NFRKB: variants seen among roughly 807,000 people sequenced by gnomAD.
The protein encoded by NFRKB is nuclear factor related to kappaB binding protein, also known as nuclear factor related to kappa-B-binding protein.
NFRKB carries 62 observed loss-of-function variants against 135.7 expected under a neutral mutation model. The observed-to-expected ratio is 0.46, with a 90% CI of 0.37 to 0.56. The LOEUF is 0.56. Ranked by LOEUF, NFRKB falls within the 20% of genes least tolerant of loss-of-function variation. NFRKB has a pLI of 0.00. For missense variants in NFRKB, 1,545 were observed against 1,662.0 expected, an observed-to-expected ratio of 0.93 and a Z score of 1.22; for synonymous variants, 678 against 635.6, an observed-to-expected ratio of 1.07 and a Z score of -1.00.
At chr11:129,884,394 A>G (rs187478437) in intron 7 of NFRKB, among the ~76,000 whole-genome samples, 67 of 152,288 alleles carry the variant, frequency 4.4e-4, no homozygotes, top group African/African-American at 1.5e-3. Flanking sequence ...TTCCAAACAA[A>G]AACTCTTCTC....
Position 129,877,373 on chromosome 11 carries a change from A to C in NFRKB, c.1524T>G (p.Tyr508Ter). ...TTPVPRVRTD[Y>*]VVRPSTGEEK... ...CCTCCCCCGTGCTGGGACGCACCACATAGTCAGTTCTTCTGGAATATAAAG... is the reference window on the plus strand; with the variant it reads ...CCTCCCCCGTGCTGGGACGCACCACCTAGTCAGTTCTTCTGGAATATAAAG... The change falls in exon 16 of 27, where the codon TAT becomes TAG. Residue 508 changes from tyrosine to a stop codon, truncating the protein, a stop_gained. Coordinates refer to ENST00000682444, the MANE Select transcript of NFRKB (RefSeq NM_001143835.2). LOFTEE classifies it high-confidence loss of function. 6.2e-7 allele frequency: 1 copy of C among 1,614,180 alleles called. No homozygotes were observed. Among genetic ancestry groups the C allele is most frequent in the Non-Finnish European group, 8.5e-7 (1 of 1,180,032 alleles).
At position 129,870,197 on chromosome 11, in the gene NFRKB, G is replaced by A. The variant is rs1948433036; in HGVS notation, c.2828C>T (p.Thr943Ile). The A allele has an allele frequency of 6.2e-7, 1 of 1,614,218 alleles. No homozygotes were observed. The highest frequency in any genetic ancestry group is 8.5e-7 in the Non-Finnish European group (1 of 1,180,044). ...QTGNSIPLTA[T>I]NFRIQGKDVL... ...ATCCTTACCCTGGATGCGGAAGTTA[G>A]TGGCTGTGAGTGGAATGCTGTTGCC... The change falls in exon 24 of 27, where the codon ACT (threonine) becomes ATT (isoleucine). Residue 943 changes from threonine (T) to isoleucine (I), a missense_variant. Coordinates refer to ENST00000682444, the MANE Select transcript of NFRKB (RefSeq NM_001143835.2).
At chr11:129,879,598 G>A (rs552907080) in intron 13 of NFRKB, among the ~76,000 whole-genome samples, 2 of 152,284 alleles carry the variant, frequency 1.3e-5, no homozygotes, top group Non-Finnish European at 2.9e-5. Context: ...CTTCTCAGGC[G>A]ATCCGGTCTC....
chr11:129,879,812 A>G (rs977431738), intron 13 of NFRKB, among the ~76,000 whole-genome samples: 1 of 152,172 alleles, frequency 6.6e-6, no homozygotes, highest in Non-Finnish European at 1.5e-5. Flanking sequence ...TCTCCCCCTT[A>G]AACTCTCTGG....
Position 129,874,046 on chromosome 11 carries a change from C to G in NFRKB, c.2280-31G>C. On this transcript the variant is annotated intron_variant, in intron 21 of 26. Transcript: ENST00000682444. This position sits in a 1 kb window ranked among gnomAD's most constrained non-coding sequence, Gnocchi z 4.5. ...AAGAACATCGGGGAAAGACAAAAAA[C>G]AAAAACTTAGGACATGCATACAAAA... 1 of 1,602,098 alleles carries G rather than the reference C, an allele frequency of 6.2e-7. No homozygotes were observed. Among genetic ancestry groups the G allele is most frequent in the Non-Finnish European group, 8.5e-7 (1 of 1,171,058 alleles).
At chr11:129,883,841 C>T (rs1445344265) in intron 8 of NFRKB, among the ~76,000 whole-genome samples, 2 of 152,234 alleles carry the variant, frequency 1.3e-5, no homozygotes, top group Non-Finnish European at 2.9e-5. Flanking sequence ...CTATACTCGA[C>T]AGTGTCACTG....
rs1948125327 is a variant in NFRKB at position 129,865,029 on chromosome 11, C to T, written c.3711G>A (p.Lys1237=). The T allele has an allele frequency of 1.2e-6, 2 of 1,612,984 alleles. No individual in the cohort carries two copies. Among genetic ancestry groups the T allele is most frequent in the East Asian group, 2.2e-5 (1 of 44,882 alleles). ...PAGTKLIAGN[K]PVSFLTAQQL... is the part of the protein sequence containing the mutation. The stretch of plus-strand genomic sequence containing the variant: ...GCTGAGCAGTGAGGAAACTAACAGG[C>T]TTATTGCCAGCAATGAGCTTAGTGC... The change falls in exon 26 of 27, where the codon AAG becomes AAA. Residue 1237 remains lysine (K), a synonymous_variant. Transcript: ENST00000682444.
chr11:129,883,967 A>G (rs1949150156), intron 8 of NFRKB, 103 bp downstream of exon 8: 7 of 1,182,332 alleles, frequency 5.9e-6, no homozygotes, highest in Non-Finnish European at 8.9e-6. Flanking sequence ...AGTGGTAGGG[A>G]GGACATACAG....
At chr11:129,883,549 T>G (rs562190260) in intron 8 of NFRKB, among the ~76,000 whole-genome samples, 3 of 152,210 alleles carry the variant, frequency 2.0e-5, no homozygotes, top group Admixed American at 2.0e-4. Flanking sequence ...TCACAGTAAC[T>G]AGAAAAGAGA....
In NFRKB at chr11:129,877,402, T is replaced by G; in HGVS notation, c.1512-17A>C. The G allele has an allele frequency of 6.2e-7, 1 of 1,613,706 alleles. No homozygotes were observed. ...TCAGTTCTTCTGGAATATAAAGAAT[T>G]CTGTATCAACCCTGACAGCTGGCAC... On this transcript the variant is annotated splice_polypyrimidine_tract_variant and intron_variant, in intron 15 of 26. Transcript: ENST00000682444.
intron 4 of NFRKB, among the ~76,000 whole-genome samples, 166 bp from the exon 5 acceptor site, chr11:129,886,610 G>A (rs934027679): frequency 6.6e-6 from 1 of 152,166 alleles, no homozygotes; most frequent in Non-Finnish European, 1.5e-5. Context: ...GTAAAAGCGT[G>A]CTGAGAAGCA....
rs1469928645 is a variant in NFRKB, at chr11:129,869,537, C to T, written c.3488G>A (p.Arg1163Gln). 6 of 1,613,514 alleles carry T rather than the reference C, an allele frequency of 3.7e-6. No individual in the cohort carries two copies. In the South Asian group the frequency reaches 4.4e-5, roughly 12 times the overall value. Residue 1163 changes from arginine (R) to glutamine (Q), a missense_variant, in exon 24 of 27, where the codon CGG becomes CAG. Arg to Gln is a conservative substitution (Grantham distance 43, BLOSUM62 1). Transcript: ENST00000682444. Reference protein sequence around the residue: ...ISISTGAPTVRQVPVSTTVVS... With the variant: ...ISISTGAPTVQQVPVSTTVVS... Reference sequence around the variant, plus strand: ...AACCGTGGTGCTGACAGGGACCTGCCGCACGGTGGGGGCTCCTGTGCTGAT... The same window carrying T: ...AACCGTGGTGCTGACAGGGACCTGCTGCACGGTGGGGGCTCCTGTGCTGAT...
At chr11:129,882,760 G>A in intron 9 of NFRKB, 129 bp from the exon 10 acceptor site, 1 of 945,584 alleles carries the variant, frequency 1.1e-6, no homozygotes, top group East Asian at 2.4e-5. Flanking sequence ...AACACTCAAT[G>A]AAACCAAATT....
At chr11:129,885,380 A>T (rs1949225126) in intron 6 of NFRKB, 55 bp downstream of exon 6, 2 of 1,539,622 alleles carry the variant, frequency 1.3e-6, no homozygotes, top group Non-Finnish European at 1.8e-6. Context: ...CAACCGGACA[A>T]GTGGCCGGTA....
In NFRKB at chr11:129,875,460, C is replaced by A. The variant is rs745776901; in HGVS notation, c.1751G>T (p.Arg584Leu). The change falls in exon 18 of 27, where the codon CGG (arginine) becomes CTG (leucine). Residue 584 changes from arginine (R) to leucine (L), a missense_variant. Coordinates refer to ENST00000682444, the MANE Select transcript of NFRKB (RefSeq NM_001143835.2). ...ATTAGGCAGTCGAGCCGCAGCGTCC[C>A]GAACTGATGACATGAGAAAGCACAC... ...PAYVTILSLV[R>L]DAAARLPNGE... 1 of 1,599,274 alleles carries A rather than the reference C, an allele frequency of 6.3e-7. No homozygotes were observed.
chr11:129,891,657 C>A (rs1949565202), intron 3 of NFRKB, among the ~76,000 whole-genome samples: 1 of 152,226 alleles, frequency 6.6e-6, no homozygotes, highest in African/African-American at 2.4e-5. Context: ...TGGTACTCCA[C>A]TGCCAATCAA....
In NFRKB at chr11:129,875,419, C is replaced by A. The variant is rs752051002; in HGVS notation, c.1792G>T (p.Ala598Ser). ...ARLPNGEGTR[A>S]EICELLKDSQ... Reference sequence around the variant, plus strand: ...TCCTTAAGCAGTTCACAGATCTCTGCCCGTGTGCCTTCTCCATTAGGCAGT... The same window carrying A: ...TCCTTAAGCAGTTCACAGATCTCTGACCGTGTGCCTTCTCCATTAGGCAGT... Residue 598 changes from alanine (A) to serine (S), a missense_variant, in exon 18 of 27, where the codon GCA (alanine) becomes TCA (serine). Around this residue, in one of 3 missense-constraint regions of NFRKB, gnomAD observed 114 missense variants for 211.0 expected, o/e 0.54. Coordinates refer to ENST00000682444, the MANE Select transcript of NFRKB (RefSeq NM_001143835.2). 4 of 1,612,544 alleles carry A rather than the reference C, an allele frequency of 2.5e-6. No individual in the cohort carries two copies. The African/African-American group carries it at 5.3e-5, about 22-fold the overall frequency.
chr11:129,890,079 G>A (rs573228647), intron 3 of NFRKB, among the ~76,000 whole-genome samples: 46 of 147,824 alleles, frequency 3.1e-4, no homozygotes, highest in African/African-American at 1.1e-3. Flanking sequence ...GCTAGATCAA[G>A]GACAGGGAGG....
intron 4 of NFRKB, 33 bp downstream of exon 4, chr11:129,888,561 C>G (rs1450456686): frequency 6.3e-7 from 1 of 1,590,314 alleles, no homozygotes; most frequent in Admixed American, 1.7e-5. Context: ...CCATCCACCA[C>G]CCCCCTCAAA....
Sources: allele counts gnomAD v4.1 joint callset (sites outside exome capture counted in the v4.1 genomes callset), GRCh38; gene constraint gnomAD v4.1.1; regional missense constraint gnomAD v4.1.1; non-coding constraint Gnocchi (gnomAD v3.1); transcripts MANE v1.5; gene names NCBI Gene and HGNC (gene_info 2026-07-23, HGNC 2026-07-21).